The following DENND5B variants were observed in gnomAD, a reference collection of about 807,000 sequenced individuals.
DENND5B encodes the protein DENN domain-containing protein 5B.
A neutral mutation model predicts 140.6 loss-of-function variants in DENND5B; 34 were observed. The ratio of observed to expected loss-of-function variants is 0.24; its 90% CI spans 0.18 to 0.32. The LOEUF (loss-of-function observed/expected upper bound fraction) is 0.32, where lower values mean the gene tolerates loss of function less well. Among genes scored for constraint, DENND5B ranks in the 10% least tolerant of loss-of-function variants. The pLI, the probability that DENND5B is intolerant of heterozygous loss-of-function variation, is 1.00. For missense variants in DENND5B, 1,142 were observed against 1,560.2 expected, an observed-to-expected ratio of 0.73 and a Z score of 4.52; for synonymous variants, 551 against 562.1, an observed-to-expected ratio of 0.98 and a Z score of 0.28.
At chr12:31,582,086 G>A (rs1202148551) in intron 1 of DENND5B, among the ~76,000 whole-genome samples, 2 of 152,176 alleles carry the variant, frequency 1.3e-5, no homozygotes, top group African/African-American at 2.4e-5. Flanking sequence ...TTTTCAATTT[G>A]ATGATGGTTT....
chr12:31,423,516 G>A, intron 11 of DENND5B, 81 bp downstream of exon 11: 2 of 1,405,514 alleles, frequency 1.4e-6, no homozygotes, highest in South Asian at 1.3e-5. Context: ...GCTTGAGAGA[G>A]AAAGAGATCA....
At position 31,504,127 on chromosome 12, in the gene DENND5B, A is replaced by G. The variant is rs149039312; in HGVS notation, c.128-8208T>C. Among the ~76,000 whole-genome samples the G allele has an allele frequency of 5.1e-3, 782 of 152,324 alleles. 4 individuals carry two copies. Among genetic ancestry groups the G allele is most frequent in the African/African-American group, 0.018 (753 of 41,578 alleles). On this transcript the variant is annotated intron_variant, in intron 1 of 20. Coordinates refer to ENST00000389082, the MANE Select transcript of DENND5B (RefSeq NM_144973.4). ...TAAGTACATCTGATTCAAGTGCGCT[A>G]TAACGTAAATCACCATTTATATAAA...
chr12:31,452,886 G>T (rs958365810), intron 4 of DENND5B, among the ~76,000 whole-genome samples: 1 of 151,838 alleles, frequency 6.6e-6, no homozygotes, highest in Non-Finnish European at 1.5e-5. Flanking sequence ...CTAACAATTG[G>T]CATCCATTTA....
chr12:31,499,678 A>C (rs1244013375), intron 1 of DENND5B: 1 of 1,454,884 alleles, frequency 6.9e-7, no homozygotes, highest in Non-Finnish European at 9.0e-7. Flanking sequence ...AAAACTACAT[A>C]ATGTAACAGA....
At chr12:31,540,345 T>C (rs1024010723) in intron 1 of DENND5B, among the ~76,000 whole-genome samples, 1 of 152,150 alleles carries the variant, frequency 6.6e-6, no homozygotes, top group Non-Finnish European at 1.5e-5. Flanking sequence ...AATAATGTTC[T>C]TCACAAAAGT....
At chr12:31,441,472 G>A (rs969755371) in intron 7 of DENND5B, among the ~76,000 whole-genome samples, 3 of 151,614 alleles carry the variant, frequency 2.0e-5, no homozygotes, top group African/African-American at 7.3e-5. Context: ...ACAGGCGTGA[G>A]CCACCGTGCC....
chr12:31,565,710 C>T (rs962870800), intron 1 of DENND5B, among the ~76,000 whole-genome samples: 35 of 152,136 alleles, frequency 2.3e-4, no homozygotes, highest in African/African-American at 8.4e-4. Flanking sequence ...GTTAAAGGGG[C>T]CTGGATTTGG....
At chr12:31,471,345 C>T (rs1037706440) in intron 3 of DENND5B, among the ~76,000 whole-genome samples, 1 of 152,018 alleles carries the variant, frequency 6.6e-6, no homozygotes, top group African/African-American at 2.4e-5. Flanking sequence ...GAAGGAGTCT[C>T]GCTCTGTCAC....
chr12:31,502,987 T>C (rs976408379), intron 1 of DENND5B, among the ~76,000 whole-genome samples: 2 of 152,140 alleles, frequency 1.3e-5, no homozygotes, highest in African/African-American at 4.8e-5. Context: ...CTGAAAGACC[T>C]CTGAGCAAAC....
At chr12:31,578,454 G>A (rs893548303) in intron 1 of DENND5B, among the ~76,000 whole-genome samples, 2 of 152,170 alleles carry the variant, frequency 1.3e-5, no homozygotes, top group Non-Finnish European at 2.9e-5. Context: ...ACTATTCATA[G>A]CTCATCAGTA....
At chr12:31,463,590 G>C (rs1341746093) in intron 3 of DENND5B, among the ~76,000 whole-genome samples, 2 of 152,308 alleles carry the variant, frequency 1.3e-5, no homozygotes, top group East Asian at 3.9e-4. Flanking sequence ...TCCATGTGTT[G>C]TGAGTGTTCT....
intron 15 of DENND5B, among the ~76,000 whole-genome samples, chr12:31,401,276 G>A (rs1941781973): frequency 6.6e-6 from 1 of 152,200 alleles, no homozygotes; most frequent in Admixed American, 6.5e-5. Context: ...ACATGAGAGA[G>A]ACAGCTTAGA....
intron 14 of DENND5B, among the ~76,000 whole-genome samples, chr12:31,405,709 A>G (rs1798782): frequency 0.93 from 140,815 of 151,764 alleles, 65,767 homozygotes; most frequent in East Asian, 0.99. Context: ...CACCGTGCCC[A>G]GCTAATTTTT....
chr12:31,558,253 T>C (rs1949362801), intron 1 of DENND5B, among the ~76,000 whole-genome samples: 1 of 152,160 alleles, frequency 6.6e-6, no homozygotes, highest in Non-Finnish European at 1.5e-5. Flanking sequence ...TATACATATA[T>C]GAATCAGAAC....
intron 1 of DENND5B, among the ~76,000 whole-genome samples, chr12:31,559,813 G>A (rs1279715705): frequency 6.6e-6 from 1 of 151,982 alleles, no homozygotes; most frequent in Non-Finnish European, 1.5e-5. Flanking sequence ...CTCTGACCTT[G>A]AGTCTATTAC....
intron 3 of DENND5B, among the ~76,000 whole-genome samples, chr12:31,470,923 A>G (rs929087472): frequency 1.3e-5 from 2 of 152,234 alleles, no homozygotes; most frequent in African/African-American, 4.8e-5. Context: ...AGCTGTGCTG[A>G]GACCATTTAC....
intron 16 of DENND5B, among the ~76,000 whole-genome samples, chr12:31,398,983 G>A (rs1051113885): frequency 2.6e-4 from 40 of 151,496 alleles, no homozygotes; most frequent in Non-Finnish European, 4.0e-4. Flanking sequence ...TTAGCCGGGC[G>A]TGGTGGCAGG....
intron 1 of DENND5B, among the ~76,000 whole-genome samples, chr12:31,562,281 T>C (rs1450171189): frequency 6.6e-6 from 1 of 152,170 alleles, no homozygotes. Context: ...ACACATTTCA[T>C]ACTACAGAAT....
chr12:31,428,622 C>A (rs1245752858), intron 8 of DENND5B, among the ~76,000 whole-genome samples: 2 of 151,918 alleles, frequency 1.3e-5, no homozygotes, highest in South Asian at 4.1e-4. Flanking sequence ...GGCTGGAGTG[C>A]AATGGCTTGA....
Sources: allele counts gnomAD v4.1 joint callset (sites outside exome capture counted in the v4.1 genomes callset), GRCh38; gene constraint gnomAD v4.1.1; transcripts MANE v1.5; gene names NCBI Gene and HGNC (gene_info 2026-07-23, HGNC 2026-07-21).